The following ABCA9 variants were observed in gnomAD, a reference collection of about 807,000 sequenced individuals.
ABCA9 encodes the protein ATP-binding cassette sub-family A member 9.
Under a neutral mutation model 205.3 loss-of-function variants are expected in ABCA9, and 183 were observed. The ratio of observed to expected loss-of-function variants is 0.89; its 90% CI spans 0.79 to 1.01. The LOEUF (loss-of-function observed/expected upper bound fraction) is 1.01. Ranked by LOEUF, ABCA9 falls within the 50% of genes least tolerant of loss-of-function variation. The pLI is 0.00. For missense variants in ABCA9, 1,805 were observed against 1,912.4 expected (o/e 0.94, Z 1.05); for synonymous variants, 651 against 683.3 (o/e 0.95, Z 0.74).
upstream of ABCA9, chr17:69,061,131 T>G (rs978694811): frequency 7.1e-6 from 7 of 985,258 alleles, no homozygotes; most frequent in African/African-American, 1.2e-4. Context: ...AGCAGGGAGT[T>G]TGTAGTTGCA....
Position 68,999,498 on chromosome 17 carries a change from T to G in ABCA9, c.3436-3484A>C, listed in dbSNP as rs7222896. 5.9e-3 allele frequency among the ~76,000 whole-genome samples: 827 copies of G among 139,262 alleles called. 14 individuals carry two copies. The highest frequency in any genetic ancestry group is 0.022 in the African/African-American group (796 of 36,880). 91.4% of individuals were successfully genotyped at this position (139,262 alleles called of 152,430 possible). On this transcript the variant is annotated intron_variant, in intron 25 of 38. Coordinates refer to ENST00000340001, the MANE Select transcript of ABCA9 (RefSeq NM_080283.4). The stretch of plus-strand genomic sequence containing the variant: ...TGCATAGTATTCCATGGTGTATATG[T>G]GCCACATTTTCTTAATCCAGTCTAT...
the ABCA9 span, among the ~76,000 whole-genome samples, chr17:69,076,623 T>C: frequency 1.3e-5 from 2 of 152,170 alleles, no homozygotes; most frequent in Non-Finnish European, 2.9e-5. Flanking sequence ...AGAATTCAGT[T>C]GTGAATCCAT....
At position 69,035,677 on chromosome 17, in the gene ABCA9, G is replaced by A. The variant is rs2071311541; in HGVS notation, c.925C>T (p.Leu309Phe). 2 of 1,613,562 alleles carry A rather than the reference G, an allele frequency of 1.2e-6. No individual in the cohort carries two copies. Among genetic ancestry groups the A allele is most frequent in the African/African-American group, 1.3e-5 (1 of 74,884 alleles). The part of the protein sequence containing the change: ...GFVMVFTLFL[L>F]YGLSLITLAF... ...CAACTCACCAAAGACAGGCCATAGA[G>A]GAGAAAGAGGGTGAAGACCATCACA... The change falls in exon 7 of 39, where the codon CTC (leucine) becomes TTC (phenylalanine). Residue 309 changes from leucine (L) to phenylalanine (F), a missense_variant. By Grantham distance (22) the Leu-to-Phe change is conservative (BLOSUM62 0). Coordinates refer to ENST00000340001, the MANE Select transcript of ABCA9 (RefSeq NM_080283.4).
At chr17:69,078,947 A>G in the ABCA9 span, 1 of 1,469,398 alleles carries the variant, frequency 6.8e-7, no homozygotes, top group African/African-American at 1.4e-5. Flanking sequence ...ATAGGAGATC[A>G]ACAAAAAATT....
intron 25 of ABCA9, among the ~76,000 whole-genome samples, chr17:68,998,876 C>G (rs1027803278): frequency 6.6e-6 from 1 of 151,018 alleles, no homozygotes; most frequent in Middle Eastern, 3.4e-3. Context: ...TGACTCTGAG[C>G]TTTTGTCTTA....
At chr17:69,054,271 C>A (rs1046751796) in intron 1 of ABCA9, among the ~76,000 whole-genome samples, 1 of 152,170 alleles carries the variant, frequency 6.6e-6, no homozygotes, top group South Asian at 2.1e-4. Context: ...CCTGCAATTA[C>A]AGCACTTTGG....
At chr17:69,018,602 G>T in intron 19 of ABCA9, 23 bp from the exon 20 acceptor site, 1 of 1,525,354 alleles carries the variant, frequency 6.6e-7, no homozygotes, top group Admixed American at 2.5e-5. Context: ...AAATGTAAAA[G>T]AAAAAAATAA....
chr17:68,979,692 C>T (rs2068986949), intron 37 of ABCA9, among the ~76,000 whole-genome samples: 2 of 152,106 alleles, frequency 1.3e-5, no homozygotes, highest in African/African-American at 4.8e-5. Context: ...GAAATGATTC[C>T]TTATTTAATA....
At chr17:69,028,296 G>A (rs1209750266) in intron 12 of ABCA9, among the ~76,000 whole-genome samples, 1 of 152,030 alleles carries the variant, frequency 6.6e-6, no homozygotes, top group Non-Finnish European at 1.5e-5. Context: ...TCTCCTGAGT[G>A]GCTGGGCCTA....
chr17:69,040,984 T>C (rs2071517151), intron 6 of ABCA9, among the ~76,000 whole-genome samples: 1 of 151,218 alleles, frequency 6.6e-6, no homozygotes, highest in African/African-American at 2.4e-5. Context: ...TCCTGCTACA[T>C]TGTAACTATA....
Position 68,993,314 on chromosome 17 carries a change from G to A in ABCA9, c.3556-230C>T, listed in dbSNP as rs1489660938. On this transcript the variant is annotated intron_variant, in intron 26 of 38. Coordinates refer to ENST00000340001, the MANE Select transcript of ABCA9 (RefSeq NM_080283.4). The stretch of plus-strand genomic sequence containing the variant: ...TATGTAACACTGTGAGTCAGCAGGA[G>A]TTGCTCTGTTAGGAGAATCCTGGGC... Among the ~76,000 whole-genome samples the A allele has an allele frequency of 3.9e-5, 6 of 152,222 alleles. No homozygotes were observed. The South Asian group carries it at 1.0e-3, about 26-fold the overall frequency.
At chr17:69,027,297 T>A in intron 14 of ABCA9, 33 bp downstream of exon 14, 1 of 1,605,022 alleles carries the variant, frequency 6.2e-7, no homozygotes. Context: ...TAGTCTTCAA[T>A]CTGATTTCAC....
At chr17:69,072,046 AAAAAG>A in the ABCA9 span, among the ~76,000 whole-genome samples, 2 of 152,204 alleles carry the variant, frequency 1.3e-5, no homozygotes, top group Non-Finnish European at 2.9e-5. Context: ...AGATTAGAGA[AAAAAG>A]AATAGAAAGG....
intron 10 of ABCA9, 75 bp from the exon 11 acceptor site, chr17:69,029,302 T>C: frequency 1.2e-6 from 1 of 867,712 alleles, no homozygotes; most frequent in Non-Finnish European, 1.7e-6. Flanking sequence ...TCTTTGAGGC[T>C]TAATCAAAGC....
At chr17:69,035,090 C>T (rs1452497320) in intron 8 of ABCA9, among the ~76,000 whole-genome samples, 156 bp downstream of exon 8, 1 of 152,076 alleles carries the variant, frequency 6.6e-6, no homozygotes, top group African/African-American at 2.4e-5. Context: ...AAACTAATTA[C>T]ACTGAGAGAG....
chr17:69,050,351 C>CGA (rs1171778149), intron 2 of ABCA9, among the ~76,000 whole-genome samples: 78 of 68,602 alleles, frequency 1.1e-3, no homozygotes, highest in African/African-American at 3.2e-3. Flanking sequence ...CGAACACACA[C>CGA]ACACACACAC....
At chr17:69,009,053 C>T (rs148483476) in intron 23 of ABCA9, among the ~76,000 whole-genome samples, 1 of 152,284 alleles carries the variant, frequency 6.6e-6, no homozygotes, top group East Asian at 1.9e-4. Context: ...AGAGAGCTTG[C>T]TATTTTCTAT....
intron 3 of ABCA9, among the ~76,000 whole-genome samples, chr17:69,046,249 A>T (rs985251523): frequency 6.6e-6 from 1 of 152,194 alleles, no homozygotes; most frequent in African/African-American, 2.4e-5. Flanking sequence ...TATGTAGTGT[A>T]AATGGCTGAC....
At chr17:69,072,571 T>G in the ABCA9 span, among the ~76,000 whole-genome samples, 1 of 151,756 alleles carries the variant, frequency 6.6e-6, no homozygotes, top group Non-Finnish European at 1.5e-5. Context: ...CCACCAGGCC[T>G]GCCTTACAAG....
Sources: gnomAD v4.1 joint callset for allele counts (sites outside exome capture counted in the v4.1 genomes callset) on GRCh38, gnomAD v4.1.1 for gene constraint, MANE v1.5 for transcripts, NCBI Gene and HGNC (gene_info 2026-07-23, HGNC 2026-07-21) for gene names.